The following RAB27A variants were observed in gnomAD, a reference collection of about 807,000 sequenced individuals.
The protein encoded by RAB27A is RAB27A, member RAS oncogene family.
RAB27A carries 17 observed loss-of-function variants against 20.8 expected under a neutral mutation model. That is an observed-to-expected ratio of 0.82 (90% CI 0.56 to 1.23). RAB27A has a LOEUF of 1.23. Among genes scored for constraint, RAB27A ranks in the 50% most tolerant of loss-of-function variants. The pLI is 0.00. For missense variants in RAB27A, 277 were observed against 266.7 expected (o/e 1.04, Z -0.27); for synonymous variants, 85 against 92.8 (o/e 0.92, Z 0.48).
chr15:55,304,091 G>A (rs1372473949), intron 2 of RAB27A, among the ~76,000 whole-genome samples: 1 of 152,186 alleles, frequency 6.6e-6, no homozygotes, highest in Non-Finnish European at 1.5e-5. Flanking sequence ...GGTAGACATG[G>A]GAGACTTTTC....
At chr15:55,284,775 T>A (rs1898104568) in intron 1 of RAB27A, among the ~76,000 whole-genome samples, 1 of 152,246 alleles carries the variant, frequency 6.6e-6, no homozygotes, top group African/African-American at 2.4e-5. Flanking sequence ...CACTTCCAGC[T>A]CTGCCACTAA....
At chr15:55,225,644 C>G (rs1595689909) in intron 5 of RAB27A, among the ~76,000 whole-genome samples, 1 of 152,134 alleles carries the variant, frequency 6.6e-6, no homozygotes, top group African/African-American at 2.4e-5. Flanking sequence ...GTAAGTATCA[C>G]CAGTAATTAT....
upstream of RAB27A, among the ~76,000 whole-genome samples, chr15:55,293,922 AAAAAG>A: frequency 6.6e-6 from 1 of 152,326 alleles, no homozygotes; most frequent in Middle Eastern, 3.4e-3. Context: ...CAGATAAAAA[AAAAAG>A]AAAAGAAAAT....
intron 1 of RAB27A, among the ~76,000 whole-genome samples, chr15:55,316,713 C>T (rs2055045966): frequency 6.6e-6 from 1 of 152,056 alleles, no homozygotes; most frequent in Non-Finnish European, 1.5e-5. Flanking sequence ...TTAACTACTC[C>T]CTTAACACAA....
chr15:55,314,525 T>A (rs1208436634), intron 1 of RAB27A, among the ~76,000 whole-genome samples: 2 of 152,096 alleles, frequency 1.3e-5, no homozygotes, highest in African/African-American at 4.8e-5. Flanking sequence ...AACCCCACTG[T>A]CTCCACCCAA....
chr15:55,244,291 G>A (rs1044527107), intron 2 of RAB27A, among the ~76,000 whole-genome samples: 53 of 151,954 alleles, frequency 3.5e-4, no homozygotes, highest in Non-Finnish European at 4.1e-4. Context: ...TTCCGGCCTG[G>A]GAGACAGAGG....
chr15:55,291,510 C>CAAAAAAAAAAA (rs530643102), upstream of RAB27A, among the ~76,000 whole-genome samples: 2 of 69,000 alleles, frequency 2.9e-5, no homozygotes, highest in Admixed American at 2.2e-4. Flanking sequence ...GACTCTGTTT[C>CAAAAAAAAAAA]AAAAAAAAAA....
At chr15:55,209,913 T>TATATAC (rs1491472346) in intron 6 of RAB27A, among the ~76,000 whole-genome samples, 2 of 82,608 alleles carry the variant, frequency 2.4e-5, no homozygotes, top group African/African-American at 2.1e-4. Flanking sequence ...TGTGTGTGTA[T>TATATAC]GTATATACAC....
At chr15:55,284,365 A>G (rs1439763068) in intron 1 of RAB27A, among the ~76,000 whole-genome samples, 5 of 152,352 alleles carry the variant, frequency 3.3e-5, no homozygotes, top group African/African-American at 1.2e-4. Flanking sequence ...CAGGCTTTCC[A>G]TAAGACAACA....
At chr15:55,314,133 C>A (rs929476798) in exon 2 of RAB27A, 2 of 143,974 alleles carry the variant, frequency 1.4e-5, no homozygotes, top group East Asian at 4.1e-4. Context: ...CATTGCACTC[C>A]AGCCTGGGCA....
intron 6 of RAB27A, among the ~76,000 whole-genome samples, chr15:55,215,462 C>T (rs568097868): frequency 6.6e-6 from 1 of 150,414 alleles, no homozygotes; most frequent in South Asian, 2.1e-4. Flanking sequence ...ACCATCCTGG[C>T]TAACACGGTG....
chr15:55,212,513 T>C lies in RAB27A; in HGVS notation c.468-6808A>G, dbSNP rs577000901. ...ACATTCTGAATTTTACAGCATCAAG[T>C]TGCTCAAGAGCAACAAATCTTTTTT... On this transcript the variant is annotated intron_variant, in intron 6 of 6. Coordinates refer to ENST00000336787, the MANE Select transcript of RAB27A (RefSeq NM_183235.3). Among the ~76,000 whole-genome samples the C allele has an allele frequency of 1.5e-4, 23 of 151,974 alleles. No homozygotes were observed. In the South Asian group the frequency reaches 4.6e-3, roughly 30 times the overall value.
chr15:55,270,351 C>T (rs999563585), intron 1 of RAB27A, 67 bp from the exon 2 acceptor site: 2 of 152,150 alleles, frequency 1.3e-5, no homozygotes, highest in African/African-American at 4.8e-5. Context: ...TCAAAAGAGT[C>T]TTTGGAAAAG....
chr15:55,257,808 C>T (rs113055562), intron 2 of RAB27A, among the ~76,000 whole-genome samples: 2,178 of 152,244 alleles, frequency 0.014, 61 homozygotes, highest in African/African-American at 0.05. Flanking sequence ...GCCTGGCCAA[C>T]GTGGTAAAAC....
At chr15:55,307,232 G>C (rs1316104324) in intron 2 of RAB27A, among the ~76,000 whole-genome samples, 1 of 151,918 alleles carries the variant, frequency 6.6e-6, no homozygotes, top group Non-Finnish European at 1.5e-5. Flanking sequence ...TTGATATTTG[G>C]CTAAGGAGGT....
upstream of RAB27A, among the ~76,000 whole-genome samples, chr15:55,292,847 G>A (rs1435373792): frequency 6.6e-6 from 1 of 152,198 alleles, no homozygotes; most frequent in Non-Finnish European, 1.5e-5. Flanking sequence ...TCTAGAAAGT[G>A]AGCTGAGAGG....
intron 2 of RAB27A, among the ~76,000 whole-genome samples, chr15:55,255,741 C>T (rs1897054597): frequency 6.6e-6 from 1 of 152,128 alleles, no homozygotes; most frequent in South Asian, 2.1e-4. Flanking sequence ...AACACAGGAT[C>T]CAACTGCTCC....
chr15:55,311,183 T>C (rs995217824), intron 2 of RAB27A, among the ~76,000 whole-genome samples: 3 of 152,202 alleles, frequency 2.0e-5, no homozygotes, highest in Non-Finnish European at 2.9e-5. Flanking sequence ...AGCACTTCTC[T>C]CATTTGGAGC....
rs548352020 is a variant in RAB27A at position 55,247,791 on chromosome 15, G to A, written c.-22-12835C>T. Among the ~76,000 whole-genome samples, 28 of 152,142 alleles carry A rather than the reference G, an allele frequency of 1.8e-4. 1 individual carries two copies. Among genetic ancestry groups the A allele is most frequent in the African/African-American group, 6.0e-4 (25 of 41,492 alleles). On this transcript the variant is annotated intron_variant, in intron 2 of 6. Transcript: ENST00000336787. Reference sequence around the variant, plus strand: ...GGCAGTAACTGGGGAAGAGACGGGCGCATTTATCATTGACTTTGTACAAAA... The same window carrying A: ...GGCAGTAACTGGGGAAGAGACGGGCACATTTATCATTGACTTTGTACAAAA...
Sources: allele counts gnomAD v4.1 joint callset (sites outside exome capture counted in the v4.1 genomes callset), GRCh38; gene constraint gnomAD v4.1.1; transcripts MANE v1.5; gene names NCBI Gene and HGNC (gene_info 2026-07-23, HGNC 2026-07-21).